Variants in PDE4D observed in about 807,000 individuals in gnomAD.
The protein encoded by PDE4D is phosphodiesterase 4D.
In PDE4D, 24 loss-of-function variants were observed where a neutral mutation model predicts 87.4. That is an observed-to-expected ratio of 0.27 (90% CI 0.20 to 0.39). The LOEUF is 0.39. Ranked by LOEUF, PDE4D falls within the 10% of genes least tolerant of loss-of-function variation. The pLI, the probability that PDE4D is intolerant of heterozygous loss-of-function variation, is 1.00. For missense variants in PDE4D, 714 were observed against 1,041.0 expected, an observed-to-expected ratio of 0.69 and a Z score of 4.32; for synonymous variants, 384 against 383.2, an observed-to-expected ratio of 1.00 and a Z score of -0.02.
chr5:59,584,051 TA>T (rs1246245361), intron 1 of PDE4D, among the ~76,000 whole-genome samples: 2 of 152,268 alleles, frequency 1.3e-5, no homozygotes, highest in Non-Finnish European at 2.9e-5. Context: ...AGAATGAGGA[TA>T]GGGGGAGTCT....
chr5:59,412,926 T>A (rs117275561), intron 1 of PDE4D, among the ~76,000 whole-genome samples: 1 of 152,226 alleles, frequency 6.6e-6, no homozygotes, highest in African/African-American at 2.4e-5. Context: ...GTTTTCTGTA[T>A]CTTGGCATTG....
intron 1 of PDE4D, among the ~76,000 whole-genome samples, chr5:59,528,370 T>C (rs949394011): frequency 6.6e-6 from 1 of 152,076 alleles, no homozygotes; most frequent in Non-Finnish European, 1.5e-5. Context: ...GAGCATAAGG[T>C]CAAAATATAA....
chr5:60,286,649 T>G (rs1392859760), intron 1 of PDE4D, among the ~76,000 whole-genome samples: 2 of 152,216 alleles, frequency 1.3e-5, no homozygotes, highest in Non-Finnish European at 2.9e-5. Flanking sequence ...TTCATATGTT[T>G]TATGGACCAT....
At chr5:59,619,224 G>A (rs114525991) in intron 1 of PDE4D, among the ~76,000 whole-genome samples, 6,390 of 152,162 alleles carry the variant, frequency 0.042, 183 homozygotes, top group African/African-American at 0.081. Flanking sequence ...TATGGGGGAG[G>A]AGAAAAGGGG....
intron 1 of PDE4D, among the ~76,000 whole-genome samples, chr5:59,394,226 T>C (rs1788845265): frequency 6.6e-6 from 1 of 152,178 alleles, no homozygotes; most frequent in African/African-American, 2.4e-5. Flanking sequence ...CCTGCAGCCT[T>C]AGAAGAAGAG....
At chr5:59,053,390 C>G (rs1434975184) in intron 5 of PDE4D, among the ~76,000 whole-genome samples, 2 of 151,348 alleles carry the variant, frequency 1.3e-5, no homozygotes, top group Non-Finnish European at 2.9e-5. Context: ...CACACACACA[C>G]ACACACACAC....
chr5:59,961,270 A>G (rs1759436956), intron 3 of PDE4D, among the ~76,000 whole-genome samples: 1 of 151,770 alleles, frequency 6.6e-6, no homozygotes, highest in Admixed American at 6.6e-5. Context: ...TATGTTTAAG[A>G]TCAGAAAAAG....
intron 1 of PDE4D, among the ~76,000 whole-genome samples, chr5:59,491,414 G>A (rs747486048): frequency 6.6e-6 from 1 of 152,130 alleles, no homozygotes; most frequent in African/African-American, 2.4e-5. Flanking sequence ...ATGAGATTGA[G>A]CAGTGACTTT....
chr5:59,791,746 G>A (rs1043205766), intron 1 of PDE4D, among the ~76,000 whole-genome samples: 1 of 152,046 alleles, frequency 6.6e-6, no homozygotes, highest in Non-Finnish European at 1.5e-5. Flanking sequence ...GGTCTAGGAG[G>A]GAGCAGACAG....
At chr5:59,147,100 T>C (rs1778781448) in intron 5 of PDE4D, among the ~76,000 whole-genome samples, 1 of 152,156 alleles carries the variant, frequency 6.6e-6, no homozygotes, top group Non-Finnish European at 1.5e-5. Flanking sequence ...TGAGGTGGTT[T>C]CATCCCAAAA....
chr5:59,260,491 C>T (rs1478528457), intron 1 of PDE4D, among the ~76,000 whole-genome samples: 1 of 151,780 alleles, frequency 6.6e-6, no homozygotes, highest in African/African-American at 2.4e-5. Flanking sequence ...ACACAAATGG[C>T]ATGAATTACG....
chr5:59,434,375 C>T (rs73097314), intron 1 of PDE4D, among the ~76,000 whole-genome samples: 11,133 of 151,874 alleles, frequency 0.073, 1,341 homozygotes, highest in African/African-American at 0.26. Context: ...ATTGACTGAA[C>T]GATTTCCCCT....
At chr5:59,406,209 T>C (rs1034833323) in intron 1 of PDE4D, among the ~76,000 whole-genome samples, 1 of 152,158 alleles carries the variant, frequency 6.6e-6, no homozygotes, top group Non-Finnish European at 1.5e-5. Flanking sequence ...CTTGATGGTA[T>C]TGGTCTGTTC....
chr5:59,542,983 C>T (rs1816634457), intron 1 of PDE4D, among the ~76,000 whole-genome samples: 2 of 152,050 alleles, frequency 1.3e-5, no homozygotes, highest in South Asian at 4.1e-4. Flanking sequence ...CCATGACAAG[C>T]AGAGCCAAGT....
chr5:59,965,150 A>G (rs1478039647), intron 3 of PDE4D, among the ~76,000 whole-genome samples: 1 of 152,116 alleles, frequency 6.6e-6, no homozygotes, highest in Non-Finnish European at 1.5e-5. Context: ...CACTGGATCA[A>G]TCCCTTTTTA....
intron 1 of PDE4D, among the ~76,000 whole-genome samples, chr5:59,733,225 A>G (rs1391599040): frequency 2.6e-5 from 4 of 152,118 alleles, no homozygotes; most frequent in Non-Finnish European, 4.4e-5. Flanking sequence ...TGATATTAAA[A>G]AGAGAGAATT....
At chr5:59,635,850 C>A (rs1281472786) in intron 1 of PDE4D, among the ~76,000 whole-genome samples, 3 of 152,230 alleles carry the variant, frequency 2.0e-5, no homozygotes, top group Non-Finnish European at 4.4e-5. Flanking sequence ...TCTTTCACCA[C>A]TCCTGTTCAA....
intron 1 of PDE4D, among the ~76,000 whole-genome samples, chr5:59,593,106 AAAG>A (rs1241564691): frequency 6.6e-6 from 1 of 152,034 alleles, no homozygotes; most frequent in Admixed American, 6.6e-5. Flanking sequence ...AATGGAAAAA[AAAG>A]AAAAAATACA....
chr5:59,514,528 T>A (rs1339099283), intron 1 of PDE4D, among the ~76,000 whole-genome samples: 2 of 152,202 alleles, frequency 1.3e-5, no homozygotes, highest in African/African-American at 4.8e-5. Flanking sequence ...TATTTATTTA[T>A]TTTTACCTCA....
Sources: gnomAD v4.1 joint callset for allele counts (sites outside exome capture counted in the v4.1 genomes callset) on GRCh38, gnomAD v4.1.1 for gene constraint, MANE v1.5 for transcripts, NCBI Gene and HGNC (gene_info 2026-07-23, HGNC 2026-07-21) for gene names.